Variants in NCOA7 observed in about 807,000 individuals in gnomAD.
The protein encoded by NCOA7 is 140 kDa estrogen receptor-associated protein.
A neutral mutation model predicts 104.3 loss-of-function variants in NCOA7; 45 were observed. The ratio of observed to expected loss-of-function variants is 0.43; its 90% CI spans 0.34 to 0.55. NCOA7 has a LOEUF of 0.55. Ranked by LOEUF, NCOA7 falls within the 20% of genes least tolerant of loss-of-function variation. The pLI is 0.02. For synonymous variants in NCOA7, 398 were observed against 402.3 expected, an observed-to-expected ratio of 0.99 and a Z score of 0.13; for missense variants, 1,041 against 1,119.7, an observed-to-expected ratio of 0.93 and a Z score of 1.00.
intron 2 of NCOA7, among the ~76,000 whole-genome samples, chr6:125,828,135 A>G (rs1262732050): frequency 6.6e-6 from 1 of 152,244 alleles, no homozygotes; most frequent in African/African-American, 2.4e-5. Context: ...GGGCATATAA[A>G]GTGAAAAAAG....
intron 5 of NCOA7, among the ~76,000 whole-genome samples, chr6:125,879,002 A>G (rs1783606484): frequency 6.6e-6 from 1 of 152,186 alleles, no homozygotes; most frequent in African/African-American, 2.4e-5. Flanking sequence ...TTGAATCGCA[A>G]TCTATGTTAC....
At chr6:125,822,597 T>C (rs1778287292) in intron 2 of NCOA7, among the ~76,000 whole-genome samples, 1 of 152,188 alleles carries the variant, frequency 6.6e-6, no homozygotes, top group Admixed American at 6.5e-5. Context: ...CAGTTTACAT[T>C]GCACTAAGTA....
intron 2 of NCOA7, among the ~76,000 whole-genome samples, chr6:125,841,416 T>G (rs147487478): frequency 1.3e-3 from 197 of 152,284 alleles, no homozygotes; most frequent in African/African-American, 4.6e-3. Context: ...TCTCAGAATG[T>G]ATCCCTGTCG....
chr6:125,817,693 C>G (rs1426394139), intron 2 of NCOA7, among the ~76,000 whole-genome samples: 1 of 152,092 alleles, frequency 6.6e-6, no homozygotes, highest in Non-Finnish European at 1.5e-5. Flanking sequence ...TTCTCCCGGA[C>G]TGTAGTTTGT....
At chr6:125,884,530 C>T (rs1384803574) in intron 7 of NCOA7, among the ~76,000 whole-genome samples, 1 of 152,182 alleles carries the variant, frequency 6.6e-6, no homozygotes, top group Non-Finnish European at 1.5e-5. Context: ...TTTGAGCAAG[C>T]TTCAGACTTC....
Position 125,783,581 on chromosome 6 carries a change from G to A in NCOA7, c.-142+2210G>A, listed in dbSNP as rs150804358. On this transcript the variant is annotated intron_variant, in intron 1 of 16. Coordinates refer to the NCOA7 transcript ENST00000368357. The stretch of plus-strand genomic sequence containing the variant: ...ATTCAATGTGTTATATTCTGTTGCT[G>A]TCATTATTCATTTAAAACCTAAATC... Among the ~76,000 whole-genome samples, 534 of 152,046 alleles carry A rather than the reference G, an allele frequency of 3.5e-3. 3 individuals are homozygous for A. The highest frequency in any genetic ancestry group is 0.013 in the African/African-American group (519 of 41,460).
chr6:125,833,062 A>G (rs1779316946), intron 2 of NCOA7, among the ~76,000 whole-genome samples: 1 of 152,256 alleles, frequency 6.6e-6, no homozygotes, highest in Non-Finnish European at 1.5e-5. Flanking sequence ...TTAATGAAAC[A>G]TATCTTCAAA....
At chr6:125,865,686 G>A (rs1247183030) in intron 3 of NCOA7, among the ~76,000 whole-genome samples, 1 of 135,152 alleles carries the variant, frequency 7.4e-6, no homozygotes, top group Admixed American at 7.0e-5. Context: ...TAAAGACAGG[G>A]TCTCTCTCTC....
intron 13 of NCOA7, among the ~76,000 whole-genome samples, chr6:125,924,409 A>G (rs1787846992): frequency 6.6e-6 from 1 of 152,256 alleles, no homozygotes; most frequent in South Asian, 2.1e-4. Flanking sequence ...TCATTTGAGG[A>G]CAACCAGACA....
At chr6:125,811,038 CTTAA>C (rs1296160089) in intron 1 of NCOA7, among the ~76,000 whole-genome samples, 1 of 152,162 alleles carries the variant, frequency 6.6e-6, no homozygotes, top group Non-Finnish European at 1.5e-5. Context: ...ATTGCTGTAA[CTTAA>C]TTTTTATTCA....
chr6:125,920,795 A>T, intron 11 of NCOA7, 148 bp from the exon 12 acceptor site: 1 of 890,276 alleles, frequency 1.1e-6, no homozygotes, highest in South Asian at 1.7e-5. Flanking sequence ...CTGAAAAATT[A>T]GCCATTTCCC....
At chr6:125,892,673 C>CA (rs770156331) in intron 10 of NCOA7, among the ~76,000 whole-genome samples, 1 of 151,992 alleles carries the variant, frequency 6.6e-6, no homozygotes, top group Non-Finnish European at 1.5e-5. Context: ...GACTTTGTCA[C>CA]AAAAAACAAA....
intron 1 of NCOA7, among the ~76,000 whole-genome samples, chr6:125,814,264 C>T (rs548881551): frequency 1.3e-5 from 2 of 152,306 alleles, no homozygotes; most frequent in South Asian, 2.1e-4. Context: ...AAGCGATTCT[C>T]GCGCCTCAAC....
intron 2 of NCOA7, among the ~76,000 whole-genome samples, chr6:125,845,641 G>A (rs1252386925): frequency 4.6e-5 from 7 of 152,144 alleles, no homozygotes; most frequent in Admixed American, 4.6e-4. Flanking sequence ...GGGCATGGTG[G>A]TGCTGCATGC....
rs540358531 is a variant in NCOA7 at position 125,882,628 on chromosome 6, A to AG, written c.699+79dup. ...ACAAAGTTACAAATTACTGGAACAG[A>AG]GGCTACATTAAAAGATCTTACCCAA... On this transcript the variant is annotated intron_variant, in intron 7 of 15. Transcript: ENST00000392477. 1.1e-4 allele frequency: 161 copies of AG among 1,525,942 alleles called. No individual in the cohort carries two copies. The African/African-American group carries it at 2.1e-3, about 20-fold the overall frequency. 94.5% of individuals were successfully genotyped at this position (1,525,942 alleles called of 1,614,324 possible).
chr6:125,886,384 T>A (rs1273705002), intron 8 of NCOA7, among the ~76,000 whole-genome samples: 1 of 152,200 alleles, frequency 6.6e-6, no homozygotes, highest in Non-Finnish European at 1.5e-5. Context: ...CATTCCCTAC[T>A]GAAATAGGGC....
In NCOA7 at chr6:125,864,851, C is replaced by T. The variant is rs1256099269; in HGVS notation, c.271+9611C>T. On this transcript the variant is annotated intron_variant, in intron 3 of 15. Coordinates refer to ENST00000392477, the MANE Select transcript of NCOA7 (RefSeq NM_181782.5). ...AATGGCTGTATATAGTTTTGATTCA[C>T]GTGAAATTGGCTTTCATATTTCTTC... 7.3e-5 allele frequency among the ~76,000 whole-genome samples: 10 copies of T among 137,662 alleles called. 2 individuals are homozygous for T. The highest frequency in any genetic ancestry group is 6.9e-4 in the Admixed American group (10 of 14,550). The allele number at this position is 137,662 out of a possible 152,430, so 90.3% of individuals were successfully genotyped here.
In NCOA7 at chr6:125,889,776, C is replaced by A; in HGVS notation, c.1722C>A (p.Gly574=). The change falls in exon 9 of 16, where the codon GGC becomes GGA. Residue 574 remains glycine, a synonymous_variant. Coordinates refer to ENST00000392477, the MANE Select transcript of NCOA7 (RefSeq NM_181782.5). ...LSQAGDPITE[G]NKEPDKTWVK... ...AGGCGGGTGATCCCATAACTGAGGGCAATAAAGAGCCAGATAAGACCTGGG... is the reference window on the plus strand; with the variant it reads ...AGGCGGGTGATCCCATAACTGAGGGAAATAAAGAGCCAGATAAGACCTGGG... 6.2e-7 allele frequency: 1 copy of A among 1,611,824 alleles called. No homozygotes were observed. The highest frequency in any genetic ancestry group is 1.1e-5 in the South Asian group (1 of 90,660).
chr6:125,898,248 G>T (rs9491529), intron 10 of NCOA7, among the ~76,000 whole-genome samples: 24,053 of 151,922 alleles, frequency 0.16, 2,133 homozygotes, highest in African/African-American at 0.25. Flanking sequence ...TAAAACTATG[G>T]GTGCTAAGCT....
Sources: gnomAD v4.1 joint callset for allele counts (sites outside exome capture counted in the v4.1 genomes callset) on GRCh38, gnomAD v4.1.1 for gene constraint, MANE v1.5 for transcripts, NCBI Gene and HGNC (gene_info 2026-07-23, HGNC 2026-07-21) for gene names.